The following NKAIN3 variants were observed in gnomAD, a reference collection of about 807,000 sequenced individuals.
NKAIN3 encodes sodium/potassium transporting ATPase interacting 3, also known as sodium/potassium-transporting ATPase subunit beta-1-interacting protein 3.
Under a neutral mutation model 30.2 loss-of-function variants are expected in NKAIN3, and 25 were observed. That is an observed-to-expected ratio of 0.83 (90% CI 0.60 to 1.16). The LOEUF is 1.16. Ranked by LOEUF, NKAIN3 falls within the 50% of genes most tolerant of loss-of-function variation. The pLI, the probability that NKAIN3 is intolerant of heterozygous loss-of-function variation, is 0.00. For missense variants in NKAIN3, 225 were observed against 254.1 expected, an observed-to-expected ratio of 0.89 and a Z score of 0.78; for synonymous variants, 91 against 89.6, an observed-to-expected ratio of 1.02 and a Z score of -0.09.
chr8:62,337,876 C>A (rs558614439), intron 1 of NKAIN3, among the ~76,000 whole-genome samples: 1 of 152,118 alleles, frequency 6.6e-6, no homozygotes, highest in Admixed American at 6.6e-5. Flanking sequence ...AACAACTGGT[C>A]AAGAAGATGC....
intron 3 of NKAIN3, among the ~76,000 whole-genome samples, chr8:62,686,906 A>G (rs953316235): frequency 1.3e-5 from 2 of 152,222 alleles, no homozygotes; most frequent in Non-Finnish European, 2.9e-5. Flanking sequence ...TGTCATCTGT[A>G]TGACAGGATT....
rs189844733 is a variant in NKAIN3 at position 62,265,333 on chromosome 8, C to T, written c.54+16206C>T. 4.7e-4 allele frequency among the ~76,000 whole-genome samples: 71 copies of T among 152,266 alleles called. 1 individual carries two copies. The Middle Eastern group carries it at 0.031, about 66-fold the overall frequency. ...AATTCTGTAAACACTTTTGTCTAAACAAGATGTGTTGTGATGCTTATGGAA... is the reference window on the plus strand; with the variant it reads ...AATTCTGTAAACACTTTTGTCTAAATAAGATGTGTTGTGATGCTTATGGAA... On this transcript the variant is annotated intron_variant, in intron 1 of 6. Coordinates refer to ENST00000623646, the MANE Select transcript of NKAIN3 (RefSeq NM_001304533.3).
intron 1 of NKAIN3, among the ~76,000 whole-genome samples, chr8:62,258,086 CA>C (rs1812316085): frequency 6.6e-6 from 1 of 151,852 alleles, no homozygotes; most frequent in Non-Finnish European, 1.5e-5. Flanking sequence ...TGTGTTGTAG[CA>C]ATGTATGTTT....
intron 3 of NKAIN3, among the ~76,000 whole-genome samples, chr8:62,594,388 C>G (rs148443347): frequency 2.6e-5 from 4 of 152,160 alleles, no homozygotes; most frequent in East Asian, 1.9e-4. Context: ...GGACTCCACA[C>G]GGTGAATTGT....
At chr8:62,678,364 A>T (rs932791348) in intron 3 of NKAIN3, among the ~76,000 whole-genome samples, 2 of 152,198 alleles carry the variant, frequency 1.3e-5, no homozygotes, top group Non-Finnish European at 2.9e-5. Context: ...AGACATTTTT[A>T]AAAAACTGTA....
intron 3 of NKAIN3, among the ~76,000 whole-genome samples, chr8:62,661,363 T>G (rs1563505130): frequency 6.6e-6 from 1 of 152,118 alleles, no homozygotes; most frequent in Non-Finnish European, 1.5e-5. Flanking sequence ...CACAGCTTCT[T>G]GACTTCCAAA....
At chr8:62,412,331 G>T (rs1804265288) in intron 1 of NKAIN3, among the ~76,000 whole-genome samples, 1 of 151,724 alleles carries the variant, frequency 6.6e-6, no homozygotes, top group African/African-American at 2.4e-5. Context: ...AAAAAACAGT[G>T]GGGAAAGGTC....
chr8:62,790,359 T>C (rs1314719737), intron 4 of NKAIN3, among the ~76,000 whole-genome samples: 1 of 152,180 alleles, frequency 6.6e-6, no homozygotes, highest in Non-Finnish European at 1.5e-5. Flanking sequence ...AATATCATAC[T>C]GAATGGGCAA....
At position 62,458,659 on chromosome 8, in the gene NKAIN3, T is replaced by G. The variant is rs559606838; in HGVS notation, c.55-120880T>G. Among the ~76,000 whole-genome samples the G allele has an allele frequency of 4.6e-5, 7 of 152,360 alleles. 1 individual carries two copies. In the South Asian group the frequency reaches 1.4e-3, roughly 32 times the overall value. On this transcript the variant is annotated intron_variant, in intron 1 of 6. Transcript: ENST00000623646. ...CAAATGAAAGGTCTTTCTCATGTTC[T>G]TAAAACATTGTCCACCCACTCAATA... is the stretch of plus-strand genomic sequence containing the variant.
rs184454541 is a variant in NKAIN3 at position 62,538,720 on chromosome 8, G to T, written c.55-40819G>T. Among the ~76,000 whole-genome samples the T allele has an allele frequency of 2.3e-3, 348 of 152,140 alleles. 3 individuals carry two copies. Among genetic ancestry groups the T allele is most frequent in the Non-Finnish European group, 2.6e-3 (174 of 68,006 alleles). On this transcript the variant is annotated intron_variant, in intron 1 of 6. Transcript: ENST00000623646. The stretch of plus-strand genomic sequence containing the variant: ...TGTGGTCTCAGGCGAATTTGCTGTT[G>T]GTCTCCGTGTTCTTGTTTTGTCAGT...
At chr8:62,653,859 G>T (rs1812694301) in intron 3 of NKAIN3, among the ~76,000 whole-genome samples, 2 of 152,208 alleles carry the variant, frequency 1.3e-5, no homozygotes, top group South Asian at 4.2e-4. Context: ...GATATTCTGG[G>T]TTAGGACTAC....
At chr8:62,759,936 A>G (rs928924640) in intron 4 of NKAIN3, among the ~76,000 whole-genome samples, 1 of 151,792 alleles carries the variant, frequency 6.6e-6, no homozygotes, top group African/African-American at 2.4e-5. Flanking sequence ...CAAGAAAAAA[A>G]CAAACAACCC....
At chr8:62,814,336 A>G (rs1190878518) in intron 4 of NKAIN3, among the ~76,000 whole-genome samples, 2 of 151,400 alleles carry the variant, frequency 1.3e-5, no homozygotes, top group Non-Finnish European at 2.9e-5. Flanking sequence ...CATTCTTTTA[A>G]TGTTCTATTT....
intron 4 of NKAIN3, among the ~76,000 whole-genome samples, chr8:62,844,515 G>A (rs1819617619): frequency 6.6e-6 from 1 of 152,100 alleles, no homozygotes; most frequent in South Asian, 2.1e-4. Flanking sequence ...CAGAGTAAAT[G>A]AAAAATGTTA....
chr8:62,322,956 A>T (rs1340974487), intron 1 of NKAIN3, among the ~76,000 whole-genome samples: 2 of 152,232 alleles, frequency 1.3e-5, no homozygotes, highest in African/African-American at 2.4e-5. Flanking sequence ...ACTCATCAGG[A>T]TAATGCAAAT....
intron 1 of NKAIN3, among the ~76,000 whole-genome samples, chr8:62,454,225 T>G (rs1280616855): frequency 1.4e-5 from 2 of 145,256 alleles, no homozygotes; most frequent in Admixed American, 1.5e-4. Flanking sequence ...ATCTTTCAGC[T>G]TCCATGGGCC....
intron 4 of NKAIN3, among the ~76,000 whole-genome samples, chr8:62,760,900 T>C (rs1222723747): frequency 6.6e-6 from 1 of 152,124 alleles, no homozygotes; most frequent in East Asian, 1.9e-4. Context: ...TCAGGAACCT[T>C]AACAAATCCT....
At chr8:62,345,536 C>CATATATACACATATATGT (rs1326419167) in intron 1 of NKAIN3, among the ~76,000 whole-genome samples, 14 of 130,214 alleles carry the variant, frequency 1.1e-4, no homozygotes, top group African/African-American at 4.4e-4. Context: ...TATATACACA[C>CATATATACACATATATGT]ATATATACAC....
At chr8:62,675,590 G>A (rs929506064) in intron 3 of NKAIN3, among the ~76,000 whole-genome samples, 6 of 152,146 alleles carry the variant, frequency 3.9e-5, no homozygotes, top group Admixed American at 3.9e-4. Flanking sequence ...GGCTTTGAGG[G>A]CTGGGGACTC....
Sources: allele counts gnomAD v4.1 joint callset (sites outside exome capture counted in the v4.1 genomes callset), GRCh38; gene constraint gnomAD v4.1.1; transcripts MANE v1.5; gene names NCBI Gene and HGNC (gene_info 2026-07-23, HGNC 2026-07-21).